The following SASH1 variants were observed in gnomAD, a reference collection of about 807,000 sequenced individuals.
The protein encoded by SASH1 is SAM and SH3 domain containing 1, also known as SAM and SH3 domain-containing protein 1.
A neutral mutation model predicts 125.2 loss-of-function variants in SASH1; 44 were observed. The observed-to-expected ratio is 0.35, with a 90% CI of 0.28 to 0.45. SASH1 has a LOEUF of 0.45. Ranked by LOEUF, SASH1 falls within the 20% of genes least tolerant of loss-of-function variation. SASH1 has a pLI of 1.00. For missense variants in SASH1, 1,426 were observed against 1,614.5 expected (o/e 0.88, Z 2.00); for synonymous variants, 639 against 649.1 (o/e 0.98, Z 0.24).
chr6:148,450,713 C>T (rs1417841785), intron 4 of SASH1, among the ~76,000 whole-genome samples: 9 of 146,958 alleles, frequency 6.1e-5, no homozygotes, highest in African/African-American at 2.3e-4. Flanking sequence ...TTTGTATAAA[C>T]TCATTGAGGT....
chr6:148,322,851 C>G (rs1780673850), intron 1 of SASH1, among the ~76,000 whole-genome samples: 1 of 151,788 alleles, frequency 6.6e-6, no homozygotes, highest in Non-Finnish European at 1.5e-5. Flanking sequence ...CATCCGTGAC[C>G]ACCCATCCAA....
chr6:148,509,581 G>A (rs1458035121), intron 8 of SASH1, among the ~76,000 whole-genome samples: 6 of 152,182 alleles, frequency 3.9e-5, no homozygotes, highest in African/African-American at 1.4e-4. Context: ...TTGCAAATTG[G>A]TTTTAACCTT....
chr6:148,201,776 A>G, the SASH1 span, among the ~76,000 whole-genome samples: 3 of 152,090 alleles, frequency 2.0e-5, no homozygotes, highest in South Asian at 6.2e-4. Context: ...ACAGCCTGAG[A>G]ATAAAGGAGA....
In SASH1 at chr6:148,543,738, G is replaced by A; in HGVS notation, c.2268G>A (p.Lys756=). 6.3e-7 allele frequency: 1 copy of A among 1,596,224 alleles called. No homozygotes were observed. The highest frequency in any genetic ancestry group is 1.1e-5 in the South Asian group (1 of 88,902). Residue 756 remains lysine (K), a synonymous_variant, in exon 18 of 20, where the codon AAG becomes AAA. Coordinates refer to ENST00000367467, the MANE Select transcript of SASH1 (RefSeq NM_015278.5). ...AGTCATCCACCGAGCCCAGCTTGAA[G>A]TCTTTTAGCAGAAACCAGTTGGGCA... ...SAKSSTEPSL[K]SFSRNQLGNY... is the part of the protein sequence containing the mutation.
chr6:148,339,429 GA>G (rs1477263808), upstream of SASH1, among the ~76,000 whole-genome samples: 1 of 151,526 alleles, frequency 6.6e-6, no homozygotes, highest in Admixed American at 6.6e-5. Flanking sequence ...GAAGCACCAG[GA>G]AAAACAGCTT....
At chr6:148,439,537 G>C (rs989775005) in intron 2 of SASH1, among the ~76,000 whole-genome samples, 7 of 152,150 alleles carry the variant, frequency 4.6e-5, no homozygotes, top group Non-Finnish European at 1.0e-4. Context: ...CCAGCACTTT[G>C]GGAAGCTGAG....
chr6:148,488,044 T>A (rs1418512315), intron 8 of SASH1, among the ~76,000 whole-genome samples: 1 of 152,120 alleles, frequency 6.6e-6, no homozygotes, highest in African/African-American at 2.4e-5. Flanking sequence ...CACATTGCTG[T>A]GCAACCAGCA....
At chr6:148,238,404 A>G in the SASH1 span, among the ~76,000 whole-genome samples, 1 of 152,130 alleles carries the variant, frequency 6.6e-6, no homozygotes, top group East Asian at 1.9e-4. Flanking sequence ...TTGTATTTTT[A>G]GTAGAGACAG....
At position 148,549,477 on chromosome 6, in the gene SASH1, G is replaced by A. The variant is rs118106092; in HGVS notation, c.*919G>A. ...TTTTGGTTTTAACCAGTTTAGTATC[G>A]TTACTGTGTGGATCGTCGCGCTGCA... On this transcript the variant is annotated 3_prime_UTR_variant, in exon 20 of 20. Coordinates refer to ENST00000367467, the MANE Select transcript of SASH1 (RefSeq NM_015278.5). 3,907 of 396,090 alleles carry A rather than the reference G, an allele frequency of 9.9e-3. 27 individuals carry two copies. Among genetic ancestry groups the A allele is most frequent in the Non-Finnish European group, 0.013 (2,925 of 224,252 alleles). The allele number at this position is 396,090 out of a possible 1,614,324, so 24.5% of individuals were successfully genotyped here. A position where few individuals can be genotyped will look rare whatever the true frequency, so the allele number is the denominator to read the frequency against.
At chr6:148,488,994 G>GT (rs1778990235) in intron 8 of SASH1, among the ~76,000 whole-genome samples, 1 of 151,920 alleles carries the variant, frequency 6.6e-6, no homozygotes, top group African/African-American at 2.4e-5. Context: ...GTGTCTATTT[G>GT]TTTTTTTGTT....
chr6:148,367,540 ATTTCCTCAGGAAGC>A lies in SASH1; in HGVS notation c.157-22587_157-22574del, dbSNP rs1300010802. Among the ~76,000 whole-genome samples, 8 of 152,308 alleles carry A rather than the reference ATTTCCTCAGGAAGC, an allele frequency of 5.3e-5. 1 individual carries two copies. In the South Asian group the frequency reaches 1.7e-3, roughly 32 times the overall value. On this transcript the variant is annotated intron_variant, in intron 1 of 19. Transcript: ENST00000367467. ...CACCCATTTCTCTGTAGCAGTCAGG[ATTTCCTCAGGAAGC>A]TTTCCTTGGGGAGGGTGGACCAGGG...
the SASH1 span, among the ~76,000 whole-genome samples, chr6:148,199,377 A>G: frequency 4.0e-5 from 6 of 148,882 alleles, no homozygotes; most frequent in Non-Finnish European, 8.9e-5. Flanking sequence ...CGTCTCAAGA[A>G]AAAAAAAAAA....
chr6:148,369,908 C>G (rs1001931121), intron 1 of SASH1, among the ~76,000 whole-genome samples: 80 of 132,000 alleles, frequency 6.1e-4, no homozygotes, highest in African/African-American at 2.2e-3. Context: ...GAGCCGAGAT[C>G]ATGCCACTGC....
At chr6:148,210,740 G>C in the SASH1 span, among the ~76,000 whole-genome samples, 2 of 152,122 alleles carry the variant, frequency 1.3e-5, no homozygotes, top group Admixed American at 1.3e-4. Flanking sequence ...TTCAGAGTTA[G>C]TTTGGTCATT....
the SASH1 span, among the ~76,000 whole-genome samples, chr6:148,238,544 C>T: frequency 2.0e-5 from 3 of 151,852 alleles, no homozygotes; most frequent in South Asian, 4.2e-4. Flanking sequence ...TTTTAATATA[C>T]CATATGAAGT....
chr6:148,350,158 T>G (rs1185442761), intron 1 of SASH1, among the ~76,000 whole-genome samples: 4 of 152,066 alleles, frequency 2.6e-5, no homozygotes, highest in African/African-American at 9.7e-5. Flanking sequence ...TTTCTTTCTC[T>G]CTAAAGGAAA....
At chr6:148,244,804 AC>A in the SASH1 span, among the ~76,000 whole-genome samples, 1 of 152,110 alleles carries the variant, frequency 6.6e-6, no homozygotes, top group Non-Finnish European at 1.5e-5. Context: ...AAGCCACCTG[AC>A]AGAGTGGATT....
intron 1 of SASH1, among the ~76,000 whole-genome samples, chr6:148,348,699 C>T (rs1450078767): frequency 6.6e-6 from 1 of 152,182 alleles, no homozygotes; most frequent in Non-Finnish European, 1.5e-5. Flanking sequence ...TCATGTATTT[C>T]CCTGAAACTG....
At chr6:148,248,701 T>TC in the SASH1 span, among the ~76,000 whole-genome samples, 2 of 152,148 alleles carry the variant, frequency 1.3e-5, no homozygotes, top group African/African-American at 4.8e-5. Context: ...AGCAGTCACT[T>TC]CCCCCCACAA....
Sources: allele counts gnomAD v4.1 joint callset (sites outside exome capture counted in the v4.1 genomes callset), GRCh38; gene constraint gnomAD v4.1.1; transcripts MANE v1.5; gene names NCBI Gene and HGNC (gene_info 2026-07-23, HGNC 2026-07-21).